The following DOCK2 variants were observed in gnomAD, a reference collection of about 807,000 sequenced individuals.
DOCK2 encodes the protein dedicator of cytokinesis protein 2.
In DOCK2, 87 loss-of-function variants were observed where a neutral mutation model predicts 248.9. That is an observed-to-expected ratio of 0.35 (90% CI 0.29 to 0.42). The LOEUF is 0.42. DOCK2 is among the 10% of genes least tolerant of loss of function. DOCK2 has a pLI of 1.00. For missense variants in DOCK2, 1,747 were observed against 2,300.2 expected, an observed-to-expected ratio of 0.76 and a Z score of 4.92; for synonymous variants, 805 against 821.6, an observed-to-expected ratio of 0.98 and a Z score of 0.35.
rs761795739 is a variant in DOCK2 at position 170,082,826 on chromosome 5, C to T, written c.5461C>T (p.Gln1821Ter). 1 of 1,614,180 alleles carries T rather than the reference C, an allele frequency of 6.2e-7. No individual in the cohort carries two copies. The highest frequency in any genetic ancestry group is 8.5e-7 in the Non-Finnish European group (1 of 1,180,030). The change falls in exon 52 of 52, where the codon CAG becomes TAG. Residue 1821 changes from glutamine (Q) to a stop codon, truncating the protein, a stop_gained. Coordinates refer to ENST00000520908, the MANE Select transcript of DOCK2 (RefSeq NM_004946.3). LOFTEE classifies it high-confidence loss of function. ...CAGCAAATCGGCTGAAGAAGGCAAACAGATCCCAGACTCGCTGTCCACGGA... is the reference window on the plus strand; with the variant it reads ...CAGCAAATCGGCTGAAGAAGGCAAATAGATCCCAGACTCGCTGTCCACGGA... ...LASKSAEEGK[Q>*]IPDSLSTDL
chr5:169,699,238 T>C, intron 11 of DOCK2, 144 bp from the exon 12 acceptor site: 2 of 571,182 alleles, frequency 3.5e-6, no homozygotes, highest in Non-Finnish European at 5.8e-6. Flanking sequence ...AGGTACCTCT[T>C]GATGGCATGT....
At chr5:170,012,135 G>A (rs1483331117) in intron 32 of DOCK2, among the ~76,000 whole-genome samples, 1 of 152,194 alleles carries the variant, frequency 6.6e-6, no homozygotes, top group African/African-American at 2.4e-5. Flanking sequence ...AGCCTGTCCT[G>A]TCTCTTGATC....
chr5:170,070,474 C>G (rs1757643753), intron 46 of DOCK2, among the ~76,000 whole-genome samples: 1 of 152,208 alleles, frequency 6.6e-6, no homozygotes, highest in Admixed American at 6.5e-5. Context: ...TGTTGTGTGT[C>G]TGTCTGGAAT....
intron 27 of DOCK2, among the ~76,000 whole-genome samples, chr5:169,869,915 G>T (rs1412224561): frequency 6.6e-6 from 1 of 152,168 alleles, no homozygotes; most frequent in East Asian, 1.9e-4. Flanking sequence ...TTCCATGCAG[G>T]ATCGTAAGAA....
intron 2 of DOCK2, among the ~76,000 whole-genome samples, chr5:169,655,711 C>T (rs1397478623): frequency 6.6e-6 from 1 of 152,148 alleles, no homozygotes. Flanking sequence ...CACAAAGACA[C>T]ACACAAACAT....
intron 25 of DOCK2, among the ~76,000 whole-genome samples, chr5:169,781,434 C>T (rs1004878761): frequency 6.6e-6 from 1 of 152,216 alleles, no homozygotes; most frequent in Non-Finnish European, 1.5e-5. Flanking sequence ...GGCTTCATTT[C>T]ACATTGTATA....
At chr5:169,717,199 C>T (rs979331498) in intron 20 of DOCK2, among the ~76,000 whole-genome samples, 185 bp from the exon 21 acceptor site, 2 of 152,140 alleles carry the variant, frequency 1.3e-5, no homozygotes, top group Non-Finnish European at 2.9e-5. Flanking sequence ...TCTTATAACA[C>T]CCCACAGCAC....
intron 22 of DOCK2, among the ~76,000 whole-genome samples, chr5:169,740,145 ATAACT>A (rs1417873815): frequency 2.0e-5 from 3 of 152,246 alleles, no homozygotes; most frequent in African/African-American, 7.2e-5. Flanking sequence ...CACACTGTTC[ATAACT>A]TAAAGTTCTT....
intron 27 of DOCK2, among the ~76,000 whole-genome samples, chr5:169,899,660 C>A (rs1773808888): frequency 6.6e-6 from 1 of 152,186 alleles, no homozygotes; most frequent in Admixed American, 6.5e-5. Context: ...GGAAATAGAC[C>A]TCTCTACATA....
chr5:170,010,967 A>G (rs1755265796), intron 32 of DOCK2, among the ~76,000 whole-genome samples: 1 of 152,218 alleles, frequency 6.6e-6, no homozygotes, highest in Admixed American at 6.5e-5. Context: ...TGCACTCCCA[A>G]TTATGCTGAT....
At chr5:169,718,947 A>G (rs1762049833) in intron 22 of DOCK2, among the ~76,000 whole-genome samples, 156 bp downstream of exon 22, 1 of 152,248 alleles carries the variant, frequency 6.6e-6, no homozygotes, top group African/African-American at 2.4e-5. Flanking sequence ...TGAATATGTA[A>G]TAATTGTACC....
intron 27 of DOCK2, among the ~76,000 whole-genome samples, chr5:169,876,353 G>A (rs568257479): frequency 6.6e-6 from 1 of 152,316 alleles, no homozygotes; most frequent in Middle Eastern, 3.4e-3. Flanking sequence ...TTGATATTTA[G>A]CATTAGACAT....
chr5:169,700,132 C>CA lies in DOCK2; in HGVS notation c.1252dup (p.Met418AsnfsTer17). On this transcript the variant is annotated frameshift_variant, in exon 13 of 52. Coordinates refer to ENST00000520908, the MANE Select transcript of DOCK2 (RefSeq NM_004946.3). LOFTEE classifies it high-confidence loss of function. The stretch of plus-strand genomic sequence containing the variant: ...GGAAGCTGGGATTCCCAGAGATCAT[C>CA]ATGCCAGGTGAGACACAGCTGCTCT... 1 of 1,613,660 alleles carries CA rather than the reference C, an allele frequency of 6.2e-7. No homozygotes were observed. The highest frequency in any genetic ancestry group is 8.5e-7 in the Non-Finnish European group (1 of 1,179,684).
intron 27 of DOCK2, among the ~76,000 whole-genome samples, chr5:169,936,462 A>T (rs1007780342): frequency 6.6e-6 from 1 of 152,122 alleles, no homozygotes; most frequent in African/African-American, 2.4e-5. Context: ...CAGATCCAGT[A>T]CCCAGGGAGG....
rs527344873 is a variant in DOCK2, at chr5:169,864,423, G to C, written c.2799+23571G>C. On this transcript the variant is annotated intron_variant, in intron 27 of 51. Transcript: ENST00000520908. ...CCTCCAGACTCTGCAAAACTTCATG[G>C]AACCTGCCTTCCTGCTGCCGAAAAT... 1.1e-5 allele frequency: 17 copies of C among 1,549,196 alleles called. No homozygotes were observed. In the South Asian group the frequency reaches 2.0e-4, roughly 18 times the overall value.
At chr5:169,841,421 A>T (rs2065748583) in intron 27 of DOCK2, 1 of 985,954 alleles carries the variant, frequency 1.0e-6, no homozygotes, top group African/African-American at 1.7e-5. Context: ...GAACCCTTTA[A>T]CCTCTGCCCA....
chr5:169,941,118 G>A (rs901692445), intron 27 of DOCK2, among the ~76,000 whole-genome samples: 3 of 152,188 alleles, frequency 2.0e-5, no homozygotes, highest in Admixed American at 6.5e-5. Flanking sequence ...GCCGCGCCCC[G>A]AAGGGAAAGC....
At chr5:170,055,419 G>A in intron 42 of DOCK2, 33 bp downstream of exon 42, 2 of 1,607,178 alleles carry the variant, frequency 1.2e-6, no homozygotes, top group Non-Finnish European at 1.7e-6. Context: ...AAGAAGGATG[G>A]GGAAGAGAAC....
chr5:169,801,066 T>A (rs261593), intron 25 of DOCK2, among the ~76,000 whole-genome samples: 7 of 145,906 alleles, frequency 4.8e-5, no homozygotes, highest in African/African-American at 1.5e-4. Context: ...AGCTTCTGCC[T>A]GGCTTAAGCT....
Sources: gnomAD v4.1 joint callset for allele counts (sites outside exome capture counted in the v4.1 genomes callset) on GRCh38, gnomAD v4.1.1 for gene constraint, MANE v1.5 for transcripts, NCBI Gene and HGNC (gene_info 2026-07-23, HGNC 2026-07-21) for gene names.